SERTM1: variants seen among roughly 807,000 people sequenced by gnomAD.
The protein encoded by SERTM1 is serine-rich and transmembrane domain-containing protein 1.
SERTM1 carries 1 observed loss-of-function variant against 5.5 expected under a neutral mutation model. That is an observed-to-expected ratio of 0.18 (90% CI 0.06 to 0.86). The LOEUF is 0.86. SERTM1 is among the 40% of genes least tolerant of loss of function. The pLI, the probability that SERTM1 is intolerant of heterozygous loss-of-function variation, is 0.69. For synonymous variants in SERTM1, 52 were observed against 55.1 expected (o/e 0.94, Z 0.25); for missense variants, 91 against 122.4 (o/e 0.74, Z 1.21).
chr13:36,684,182 A>G (rs1193044164), intron 1 of SERTM1, among the ~76,000 whole-genome samples: 1 of 152,090 alleles, frequency 6.6e-6, no homozygotes, highest in Non-Finnish European at 1.5e-5. Flanking sequence ...CTCTACTCCC[A>G]GATACTGGGG....
rs1566233228 is a variant in SERTM1, at chr13:36,695,131, C to G, written c.53C>G (p.Thr18Ser). Reference protein sequence around the residue: ...SGFSGSVENGTFLELFPTSLS... With the variant: ...SGFSGSVENGSFLELFPTSLS... ...TTTTCGGGAAGTGTGGAGAATGGAACTTTTCTTGAGCTGTTTCCCACATCC... is the reference window on the plus strand; with the variant it reads ...TTTTCGGGAAGTGTGGAGAATGGAAGTTTTCTTGAGCTGTTTCCCACATCC... Residue 18 changes from threonine (T) to serine (S), a missense_variant, in exon 2 of 2, where the codon ACT (threonine) becomes AGT (serine). Transcript: ENST00000315190. 3.1e-6 allele frequency: 5 copies of G among 1,614,074 alleles called. No individual in the cohort carries two copies. Among genetic ancestry groups the G allele is most frequent in the Non-Finnish European group, 4.2e-6 (5 of 1,180,022 alleles).
intron 1 of SERTM1, among the ~76,000 whole-genome samples, chr13:36,679,689 G>A (rs1290658387): frequency 6.6e-6 from 1 of 152,110 alleles, no homozygotes; most frequent in Non-Finnish European, 1.5e-5. Flanking sequence ...TTACAGGTGT[G>A]ACCCACCGCA....
At chr13:36,680,873 T>C (rs1006858774) in intron 1 of SERTM1, among the ~76,000 whole-genome samples, 2 of 152,090 alleles carry the variant, frequency 1.3e-5, no homozygotes, top group Non-Finnish European at 2.9e-5. Flanking sequence ...TGTTTTTTAA[T>C]AGGGGAAAGT....
intron 1 of SERTM1, among the ~76,000 whole-genome samples, chr13:36,687,361 T>A (rs967087804): frequency 3.9e-5 from 6 of 152,342 alleles, no homozygotes; most frequent in Admixed American, 1.3e-4. Context: ...TGATTACGGT[T>A]GTCAATAGAG....
chr13:36,679,335 G>C (rs1036827309), intron 1 of SERTM1, among the ~76,000 whole-genome samples: 16 of 152,190 alleles, frequency 1.1e-4, no homozygotes, highest in African/African-American at 3.9e-4. Flanking sequence ...TTGAACAGCT[G>C]ATACAAGTAT....
At position 36,697,336 on chromosome 13, in the gene SERTM1, T is replaced by A. The variant is rs555169969; in HGVS notation, c.*1934T>A. ...AAATATATATATATATATATATATA[T>A]AAACTCACATACTCCCAATTAAAAG... On this transcript the variant is annotated 3_prime_UTR_variant, in exon 2 of 2. Coordinates refer to ENST00000315190, the MANE Select transcript of SERTM1 (RefSeq NM_203451.3). The A allele has an allele frequency of 6.2e-6, 1 of 160,876 alleles. No homozygotes were observed. Among genetic ancestry groups the A allele is most frequent in the East Asian group, 2.0e-4 (1 of 4,988 alleles). 10.0% of individuals were successfully genotyped at this position (160,876 alleles called of 1,614,324 possible).
At chr13:36,683,132 G>C (rs2056716767) in intron 1 of SERTM1, among the ~76,000 whole-genome samples, 1 of 152,022 alleles carries the variant, frequency 6.6e-6, no homozygotes, top group Non-Finnish European at 1.5e-5. Flanking sequence ...CCTCTCACCT[G>C]TTCCCATTTG....
chr13:36,694,991 T>C lies in SERTM1; in HGVS notation c.-88T>C. Reference sequence around the variant, plus strand: ...CAGCCTGTGAATTCTGCAAACACGATCGTGAAAAAATGCCAATCTGTCCTG... The same window carrying C: ...CAGCCTGTGAATTCTGCAAACACGACCGTGAAAAAATGCCAATCTGTCCTG... On this transcript the variant is annotated 5_prime_UTR_variant, in exon 2 of 2. Coordinates refer to ENST00000315190, the MANE Select transcript of SERTM1 (RefSeq NM_203451.3). 1 of 934,794 alleles carries C rather than the reference T, an allele frequency of 1.1e-6. No homozygotes were observed. Among genetic ancestry groups the C allele is most frequent in the Non-Finnish European group, 1.7e-6 (1 of 604,680 alleles). 57.9% of individuals were successfully genotyped at this position (934,794 alleles called of 1,614,324 possible).
At chr13:36,683,941 G>A (rs1266176641) in intron 1 of SERTM1, among the ~76,000 whole-genome samples, 1 of 152,238 alleles carries the variant, frequency 6.6e-6, no homozygotes, top group Non-Finnish European at 1.5e-5. Flanking sequence ...TGGAGACGGA[G>A]AGATGTAGTT....
chr13:36,683,860 A>G (rs1029235505), intron 1 of SERTM1, among the ~76,000 whole-genome samples: 2 of 152,196 alleles, frequency 1.3e-5, no homozygotes, highest in Non-Finnish European at 2.9e-5. Context: ...ACTAGTGACT[A>G]CAAGTCTCAA....
intron 1 of SERTM1, among the ~76,000 whole-genome samples, chr13:36,692,000 C>T (rs893369261): frequency 3.9e-5 from 6 of 152,150 alleles, no homozygotes; most frequent in African/African-American, 1.2e-4. Context: ...TTCTTTCTAG[C>T]AGTGCACATA....
At chr13:36,676,733 T>C (rs1478907593) in intron 1 of SERTM1, among the ~76,000 whole-genome samples, 1 of 152,156 alleles carries the variant, frequency 6.6e-6, no homozygotes, top group African/African-American at 2.4e-5. Context: ...TATTATATTA[T>C]ATTAGTATAT....
At chr13:36,682,443 C>G (rs1343105480) in intron 1 of SERTM1, among the ~76,000 whole-genome samples, 3 of 152,008 alleles carry the variant, frequency 2.0e-5, no homozygotes, top group Non-Finnish European at 4.4e-5. Context: ...GAGGAGGGAG[C>G]CAGAAATTTG....
At chr13:36,675,249 C>T (rs769169205) in intron 1 of SERTM1, among the ~76,000 whole-genome samples, 1 of 152,130 alleles carries the variant, frequency 6.6e-6, no homozygotes, top group Admixed American at 6.5e-5. Context: ...TGATGGGCTC[C>T]GATGTCTAGA....
intron 1 of SERTM1, among the ~76,000 whole-genome samples, chr13:36,694,443 C>T (rs995245741): frequency 1.3e-5 from 2 of 152,130 alleles, no homozygotes; most frequent in African/African-American, 2.4e-5. Context: ...TACAAACATT[C>T]GATAAAAAGC....
chr13:36,691,588 C>G (rs1376369697), intron 1 of SERTM1, among the ~76,000 whole-genome samples: 1 of 152,160 alleles, frequency 6.6e-6, no homozygotes, highest in Non-Finnish European at 1.5e-5. Flanking sequence ...GTCTCATTTT[C>G]CTTTCTCAAA....
rs181188463 is a variant in SERTM1, at chr13:36,684,276, G to A, written c.-174+10092G>A. On this transcript the variant is annotated intron_variant, in intron 1 of 1. Transcript: ENST00000315190. Reference sequence around the variant, plus strand: ...CGCACCACTGCACTCCAGCCTGGGCGACAGAGCGAGACTCTGTCAAAAAAA... The same window carrying A: ...CGCACCACTGCACTCCAGCCTGGGCAACAGAGCGAGACTCTGTCAAAAAAA... Among the ~76,000 whole-genome samples, 261 of 151,596 alleles carry A rather than the reference G, an allele frequency of 1.7e-3. 2 individuals are homozygous for A. Among genetic ancestry groups the A allele is most frequent in the East Asian group, 4.7e-3 (24 of 5,138 alleles).
chr13:36,679,047 A>G (rs537933109), intron 1 of SERTM1, among the ~76,000 whole-genome samples: 1 of 152,262 alleles, frequency 6.6e-6, no homozygotes, highest in East Asian at 1.9e-4. Flanking sequence ...AGCAGTTAAC[A>G]TTCATATAGA....
intron 1 of SERTM1, among the ~76,000 whole-genome samples, chr13:36,694,536 T>C (rs967772138): frequency 2.0e-5 from 3 of 152,244 alleles, no homozygotes; most frequent in Non-Finnish European, 2.9e-5. Context: ...GGTGAATGTA[T>C]GGAATTAATT....
Sources: allele counts gnomAD v4.1 joint callset (sites outside exome capture counted in the v4.1 genomes callset), GRCh38; gene constraint gnomAD v4.1.1; transcripts MANE v1.5; gene names NCBI Gene and HGNC (gene_info 2026-07-23, HGNC 2026-07-21).